PPP2R3A: variants seen among roughly 807,000 people sequenced by gnomAD.
PPP2R3A encodes serine/threonine-protein phosphatase 2A regulatory subunit B'' subunit alpha.
In PPP2R3A, 80 loss-of-function variants were observed where a neutral mutation model predicts 106.9. The observed-to-expected ratio is 0.75, with a 90% CI of 0.62 to 0.90. The LOEUF (loss-of-function observed/expected upper bound fraction) is 0.90. Among genes scored for constraint, PPP2R3A ranks in the 40% least tolerant of loss-of-function variants. The pLI is 0.00. For synonymous variants in PPP2R3A, 483 were observed against 468.3 expected, an observed-to-expected ratio of 1.03 and a Z score of -0.41; for missense variants, 1,386 against 1,350.4, an observed-to-expected ratio of 1.03 and a Z score of -0.41.
chr3:136,065,886 G>A (rs1474743810), intron 5 of PPP2R3A, among the ~76,000 whole-genome samples: 1 of 152,076 alleles, frequency 6.6e-6, no homozygotes, highest in Non-Finnish European at 1.5e-5. Context: ...ATGTTGCCTA[G>A]GCTGGTCTTG....
intron 10 of PPP2R3A, among the ~76,000 whole-genome samples, chr3:136,091,098 T>A (rs1220727818): frequency 6.6e-6 from 1 of 152,220 alleles, no homozygotes; most frequent in Non-Finnish European, 1.5e-5. Context: ...TCCTTGGCAC[T>A]CCCAGACATA....
chr3:136,041,250 GTTTTTTTT>G (rs1246326384), intron 4 of PPP2R3A, among the ~76,000 whole-genome samples: 1 of 56,588 alleles, frequency 1.8e-5, no homozygotes, highest in Non-Finnish European at 3.7e-5. Flanking sequence ...TTTTTTTTTT[GTTTTTTTT>G]TTTGTTTTTT....
At chr3:136,093,778 C>G (rs557988922) in intron 10 of PPP2R3A, among the ~76,000 whole-genome samples, 27 of 152,278 alleles carry the variant, frequency 1.8e-4, no homozygotes, top group Admixed American at 1.1e-3. Flanking sequence ...AAAATCGGAA[C>G]CCTCATACAT....
chr3:136,047,113 A>G (rs562183649), intron 4 of PPP2R3A, among the ~76,000 whole-genome samples: 1 of 152,314 alleles, frequency 6.6e-6, no homozygotes, highest in Admixed American at 6.5e-5. Flanking sequence ...CCTATAACTC[A>G]TTGGCATTCC....
intron 8 of PPP2R3A, 55 bp from the exon 9 acceptor site, chr3:136,087,828 C>T: frequency 7.0e-7 from 1 of 1,429,434 alleles, no homozygotes; most frequent in Non-Finnish European, 9.8e-7. Flanking sequence ...AAAGTATTGC[C>T]TTTATGGAGC....
At chr3:136,143,726 GGTTGCAATGAGCCA>G (rs1559945379) in intron 13 of PPP2R3A, among the ~76,000 whole-genome samples, 1 of 152,144 alleles carries the variant, frequency 6.6e-6, no homozygotes, top group African/African-American at 2.4e-5. Flanking sequence ...GGGAGGCAGA[GGTTGCAATGAGCCA>G]AGATGGCCCC....
rs201527884 is a variant in PPP2R3A at position 136,023,046 on chromosome 3, G to A, written c.1996-3786G>A. 52 of 1,612,128 alleles carry A rather than the reference G, an allele frequency of 3.2e-5. 1 individual carries two copies. In the South Asian group the frequency reaches 3.3e-4, roughly 10 times the overall value. On this transcript the variant is annotated intron_variant, in intron 2 of 13. Transcript: ENST00000264977. Reference sequence around the variant, plus strand: ...CTTCAGAAGTGTGCTGGACAGTTGCGAAGTAAACATTTACTTTTCAAAGAT... The same window carrying A: ...CTTCAGAAGTGTGCTGGACAGTTGCAAAGTAAACATTTACTTTTCAAAGAT...
In PPP2R3A at chr3:136,002,453, C is replaced by G. The variant is rs749994053; in HGVS notation, c.955C>G (p.Leu319Val). ...ELISNMPSLQ[L>V]TPFSPVFGTE... ...GATCAGTAATATGCCTAGCTTACAACTGACTCCCTTCTCCCCAGTGTTTGG... is the reference window on the plus strand; with the variant it reads ...GATCAGTAATATGCCTAGCTTACAAGTGACTCCCTTCTCCCCAGTGTTTGG... Residue 319 changes from leucine (L) to valine (V), a missense_variant, in exon 2 of 14, where the codon CTG becomes GTG. Transcript: ENST00000264977. 2.5e-6 allele frequency: 4 copies of G among 1,614,018 alleles called. No homozygotes were observed. The highest frequency in any genetic ancestry group is 3.3e-5 in the Admixed American group (2 of 60,016).
chr3:136,076,601 T>C (rs1335083169), intron 6 of PPP2R3A, among the ~76,000 whole-genome samples: 2 of 152,186 alleles, frequency 1.3e-5, no homozygotes, highest in Non-Finnish European at 2.9e-5. Flanking sequence ...ATCTTTGTTA[T>C]GTAACTTTCA....
At chr3:135,968,267 T>C (rs766530125) in intron 1 of PPP2R3A, among the ~76,000 whole-genome samples, 1 of 152,212 alleles carries the variant, frequency 6.6e-6, no homozygotes, top group Non-Finnish European at 1.5e-5. Flanking sequence ...TGCATAAATA[T>C]ACATTTATCT....
intron 5 of PPP2R3A, among the ~76,000 whole-genome samples, chr3:136,068,232 A>G (rs540445417): frequency 2.3e-4 from 35 of 152,302 alleles, no homozygotes; most frequent in South Asian, 6.2e-4. Context: ...ATAAAAAGAG[A>G]ACACAGGAGC....
chr3:136,043,925 T>C (rs1317548907), intron 4 of PPP2R3A, among the ~76,000 whole-genome samples: 3 of 152,226 alleles, frequency 2.0e-5, no homozygotes, highest in African/African-American at 7.2e-5. Flanking sequence ...TGGCAGAAAA[T>C]TGTAATTCAC....
At chr3:136,022,899 A>G in intron 2 of PPP2R3A, 3 of 1,418,964 alleles carry the variant, frequency 2.1e-6, no homozygotes, top group Non-Finnish European at 2.7e-6. Context: ...TGTCAGGACA[A>G]GCATAGATTG....
intron 13 of PPP2R3A, among the ~76,000 whole-genome samples, chr3:136,118,026 C>T (rs901431801): frequency 1.3e-5 from 2 of 152,180 alleles, no homozygotes; most frequent in African/African-American, 4.8e-5. Context: ...AGCTTATCCA[C>T]CATGATCAAG....
chr3:136,047,074 G>A (rs1440459809), intron 4 of PPP2R3A, among the ~76,000 whole-genome samples: 1 of 152,174 alleles, frequency 6.6e-6, no homozygotes, highest in Non-Finnish European at 1.5e-5. Flanking sequence ...AAAACTCTCA[G>A]AAATATGGGA....
intron 6 of PPP2R3A, among the ~76,000 whole-genome samples, chr3:136,073,960 G>T (rs1290710104): frequency 1.3e-5 from 2 of 152,164 alleles, no homozygotes; most frequent in Non-Finnish European, 2.9e-5. Context: ...AGCAAAAACA[G>T]TTAAGATCAC....
chr3:135,978,795 T>G (rs1229427238), intron 1 of PPP2R3A, among the ~76,000 whole-genome samples: 1 of 151,840 alleles, frequency 6.6e-6, no homozygotes, highest in African/African-American at 2.4e-5. Flanking sequence ...ATAATACAAA[T>G]TAATTTTTAA....
At chr3:135,969,294 G>T (rs555982752) in intron 1 of PPP2R3A, among the ~76,000 whole-genome samples, 2 of 152,124 alleles carry the variant, frequency 1.3e-5, no homozygotes, top group Non-Finnish European at 2.9e-5. Context: ...AAGAATGGTC[G>T]TATTGGAGAT....
chr3:136,118,319 G>A (rs552283454), intron 13 of PPP2R3A, among the ~76,000 whole-genome samples: 47 of 152,248 alleles, frequency 3.1e-4, no homozygotes, highest in Admixed American at 5.9e-4. Context: ...TAACCAGCAC[G>A]AGACAAGGAT....
Sources: gnomAD v4.1 joint callset for allele counts (sites outside exome capture counted in the v4.1 genomes callset) on GRCh38, gnomAD v4.1.1 for gene constraint, MANE v1.5 for transcripts, NCBI Gene and HGNC (gene_info 2026-07-23, HGNC 2026-07-21) for gene names.